Variants in LUZP2 observed in about 807,000 individuals in gnomAD.
LUZP2 encodes leucine zipper protein 2.
A neutral mutation model predicts 51.6 loss-of-function variants in LUZP2; 52 were observed. The ratio of observed to expected loss-of-function variants is 1.01; its 90% CI spans 0.81 to 1.27. LUZP2 has a LOEUF of 1.27. Ranked by LOEUF, LUZP2 falls within the 50% of genes most tolerant of loss-of-function variation. The probability of loss-of-function intolerance (pLI) is 0.00; values close to 1 mark genes in which losing one functional copy is unlikely to be tolerated. For synonymous variants in LUZP2, 154 were observed against 137.3 expected (o/e 1.12, Z -0.85); for missense variants, 436 against 395.4 (o/e 1.10, Z -0.87).
At chr11:25,024,288 T>A (rs1028267160) in intron 9 of LUZP2, among the ~76,000 whole-genome samples, 4 of 152,114 alleles carry the variant, frequency 2.6e-5, no homozygotes, top group Non-Finnish European at 5.9e-5. Flanking sequence ...TGTTGGAAGT[T>A]CTGGCCAGGG....
Position 24,611,055 on chromosome 11 carries a change from GT to G in LUZP2, c.62+113759del, listed in dbSNP as rs58870609. ...AATGTACCTTACATGACATAGCTTT[GT>G]TTTTTTTTATTTTTATTTTTTGTTT... On this transcript the variant is annotated intron_variant, in intron 1 of 11. Coordinates refer to ENST00000336930, the MANE Select transcript of LUZP2 (RefSeq NM_001009909.4). This position sits in a 1 kb window ranked among gnomAD's most constrained non-coding sequence, Gnocchi z 4.6. Among the ~76,000 whole-genome samples the G allele has an allele frequency of 2.6e-5, 4 of 150,952 alleles. No homozygotes were observed. Among genetic ancestry groups the G allele is most frequent in the South Asian group, 2.1e-4 (1 of 4,770 alleles).
chr11:24,978,708 T>A (rs1855945369), intron 8 of LUZP2, among the ~76,000 whole-genome samples: 1 of 151,794 alleles, frequency 6.6e-6, no homozygotes, highest in Non-Finnish European at 1.5e-5. Flanking sequence ...AATTGTATAC[T>A]GAGACATGAG....
chr11:24,607,191 A>G (rs900375521), intron 1 of LUZP2, among the ~76,000 whole-genome samples: 27 of 151,166 alleles, frequency 1.8e-4, no homozygotes, highest in African/African-American at 6.6e-4. Flanking sequence ...TTTTGATGTC[A>G]AATCCAAAAA....
rs1016328118 is a variant in LUZP2, at chr11:24,707,463, G to A, written c.63-21706G>A. ...ATGGACAACTAAAAAAAAATTAGGG[G>A]GTATTAATGTACTCCAGAGATACTA... On this transcript the variant is annotated intron_variant, in intron 1 of 11. Transcript: ENST00000336930. 3.3e-5 allele frequency among the ~76,000 whole-genome samples: 5 copies of A among 152,080 alleles called. No individual in the cohort carries two copies. The Middle Eastern group carries it at 0.01, about 310-fold the overall frequency.
chr11:24,555,055 G>C (rs1851825834), intron 1 of LUZP2, among the ~76,000 whole-genome samples: 1 of 152,214 alleles, frequency 6.6e-6, no homozygotes, highest in African/African-American at 2.4e-5. Flanking sequence ...GATGCACTGT[G>C]TAGATCTGAT....
intron 1 of LUZP2, among the ~76,000 whole-genome samples, chr11:24,637,691 C>A (rs538471526): frequency 4.6e-5 from 7 of 151,874 alleles, no homozygotes; most frequent in African/African-American, 1.7e-4. Flanking sequence ...TCCTGCAGTG[C>A]CCTCAGGCTT....
chr11:24,791,869 T>C (rs773454837), intron 5 of LUZP2, among the ~76,000 whole-genome samples: 83 of 152,018 alleles, frequency 5.5e-4, no homozygotes, highest in Middle Eastern at 3.4e-3. Context: ...TTTCAAACAG[T>C]GAAAGCAGTA....
At chr11:25,031,439 G>A (rs920808997) in intron 9 of LUZP2, among the ~76,000 whole-genome samples, 2 of 152,218 alleles carry the variant, frequency 1.3e-5, no homozygotes, top group South Asian at 4.1e-4. Context: ...TTTATGTGGT[G>A]TTGCCTTTAT....
intron 5 of LUZP2, among the ~76,000 whole-genome samples, chr11:24,831,236 T>C (rs191097777): frequency 4.6e-5 from 7 of 152,314 alleles, no homozygotes; most frequent in African/African-American, 1.2e-4. Flanking sequence ...TCTTGTTCCA[T>C]TGGAGCACAA....
chr11:24,907,040 A>T (rs867708311), intron 6 of LUZP2, among the ~76,000 whole-genome samples: 2 of 152,194 alleles, frequency 1.3e-5, no homozygotes, highest in Non-Finnish European at 2.9e-5. Flanking sequence ...TTTTTCTGCC[A>T]CTATCCTCTT....
chr11:24,606,172 TAC>T (rs1224692195), intron 1 of LUZP2, among the ~76,000 whole-genome samples: 1 of 151,718 alleles, frequency 6.6e-6, no homozygotes, highest in East Asian at 1.9e-4. Context: ...TAGACACACA[TAC>T]ACACACACAT....
At chr11:24,676,453 T>C (rs1856554490) in intron 1 of LUZP2, among the ~76,000 whole-genome samples, 1 of 152,164 alleles carries the variant, frequency 6.6e-6, no homozygotes, top group Non-Finnish European at 1.5e-5. Flanking sequence ...TAAAAGCTGT[T>C]TAACACTATC....
At chr11:24,833,148 A>T (rs374577084) in intron 5 of LUZP2, among the ~76,000 whole-genome samples, 2 of 152,334 alleles carry the variant, frequency 1.3e-5, no homozygotes, top group East Asian at 3.9e-4. Context: ...AATGGCATAG[A>T]ATACTCTGAA....
intron 1 of LUZP2, among the ~76,000 whole-genome samples, chr11:24,672,498 C>T (rs1197027823): frequency 2.0e-5 from 3 of 152,004 alleles, no homozygotes; most frequent in African/African-American, 7.3e-5. Flanking sequence ...ACTCAGAAAA[C>T]ATTTTTGAGA....
Position 24,761,937 on chromosome 11 carries a change from G to T in LUZP2, c.334-1309G>T, listed in dbSNP as rs548638953. ...TGTAAGTTCAGTATAGTGGTTACCT[G>T]GGGGGGTGGGGGTGAAGAAAGGAAT... On this transcript the variant is annotated intron_variant, in intron 4 of 11. Transcript: ENST00000336930. Among the ~76,000 whole-genome samples the T allele has an allele frequency of 1.4e-3, 215 of 151,680 alleles. 1 individual carries two copies. The highest frequency in any genetic ancestry group is 2.7e-3 in the Non-Finnish European group (183 of 67,924).
At chr11:24,555,352 C>T (rs749985574) in intron 1 of LUZP2, among the ~76,000 whole-genome samples, 2 of 152,044 alleles carry the variant, frequency 1.3e-5, no homozygotes, top group Non-Finnish European at 2.9e-5. Context: ...GGAGTAAATC[C>T]TCAATAAATA....
chr11:24,751,561 G>A (rs1564995), intron 4 of LUZP2: 606,122 of 973,576 alleles, frequency 0.62, 189,895 homozygotes, highest in East Asian at 0.82. Flanking sequence ...GGGTGGAGTC[G>A]TAGTACCCAC....
At chr11:24,775,220 A>G (rs1294076424) in intron 5 of LUZP2, among the ~76,000 whole-genome samples, 2 of 152,158 alleles carry the variant, frequency 1.3e-5, no homozygotes, top group East Asian at 1.9e-4. Flanking sequence ...TTTGCTCACT[A>G]CAAAGAAAGT....
intron 1 of LUZP2, among the ~76,000 whole-genome samples, chr11:24,637,773 G>A (rs1286027154): frequency 5.1e-4 from 78 of 151,946 alleles, no homozygotes; most frequent in Non-Finnish European, 1.0e-4. Context: ...CCTGTTTCCT[G>A]AAGATGTTTA....
Sources: allele counts gnomAD v4.1 joint callset (sites outside exome capture counted in the v4.1 genomes callset), GRCh38; gene constraint gnomAD v4.1.1; non-coding constraint Gnocchi (gnomAD v3.1); transcripts MANE v1.5; gene names NCBI Gene and HGNC (gene_info 2026-07-23, HGNC 2026-07-21).